The following CHD9 variants were observed in gnomAD, a reference collection of about 807,000 sequenced individuals.
CHD9 encodes ATP-dependent chromatin remodeler CHD9.
Under a neutral mutation model 316.1 loss-of-function variants are expected in CHD9, and 77 were observed. That is an observed-to-expected ratio of 0.24 (90% CI 0.20 to 0.29). The LOEUF (loss-of-function observed/expected upper bound fraction) is 0.29. CHD9 is among the 10% of genes least tolerant of loss of function. The pLI is 1.00. For missense variants in CHD9, 2,763 were observed against 3,438.1 expected, an observed-to-expected ratio of 0.80 and a Z score of 4.91; for synonymous variants, 1,129 against 1,158.3, an observed-to-expected ratio of 0.97 and a Z score of 0.51.
At chr16:53,250,213 A>G in intron 17 of CHD9, 147 bp downstream of exon 17, 2 of 620,462 alleles carry the variant, frequency 3.2e-6, no homozygotes, top group East Asian at 5.9e-5. Context: ...AAATAGGTGA[A>G]GTTATTTTAA....
rs750755425 is a variant in CHD9 at position 53,255,569 on chromosome 16, A to C, written c.4030-31A>C. ...TCTCACTTTATGAACTTTAAAAAAA[A>C]CTATTTTTATGGAAGTTAATTTCTC... is the stretch of plus-strand genomic sequence containing the variant. On this transcript the variant is annotated intron_variant, in intron 18 of 38. Transcript: ENST00000447540. The C allele has an allele frequency of 1.9e-6, 3 of 1,588,044 alleles. No homozygotes were observed. The South Asian group carries it at 3.4e-5, about 18-fold the overall frequency.
rs765242737 is a variant in CHD9 at position 53,306,277 on chromosome 16, C to T, written c.6660C>T (p.Val2220=). ...THMKAYDEES[V]ASLSTTQDET... ...TGAAAGCCTATGATGAAGAAAGCGT[C>T]GCGTCACTGAGCACTACCCAGGATG... Residue 2220 remains valine (V), a synonymous_variant, in exon 32 of 39, where the codon GTC becomes GTT. Coordinates refer to ENST00000447540, the MANE Select transcript of CHD9 (RefSeq NM_001308319.2). The T allele has an allele frequency of 9.4e-6, 15 of 1,593,950 alleles. No homozygotes were observed. Among genetic ancestry groups the T allele is most frequent in the African/African-American group, 6.8e-5 (5 of 73,614 alleles).
chr16:53,146,419 G>GTGTATATATATATATA (rs1555492145), intron 1 of CHD9, among the ~76,000 whole-genome samples: 6 of 76,700 alleles, frequency 7.8e-5, no homozygotes, highest in African/African-American at 3.0e-4. Flanking sequence ...GTGTGTGTAT[G>GTGTATATATATATATA]TATATATATA....
chr16:53,135,960 G>T (rs2039682033), intron 1 of CHD9, among the ~76,000 whole-genome samples: 1 of 152,120 alleles, frequency 6.6e-6, no homozygotes, highest in Admixed American at 6.5e-5. Context: ...TGATGGTGCA[G>T]AATACAAAAG....
chr16:53,308,112 A>G (rs1420374199), intron 33 of CHD9, among the ~76,000 whole-genome samples, 159 bp downstream of exon 33: 1 of 152,204 alleles, frequency 6.6e-6, no homozygotes, highest in African/African-American at 2.4e-5. Flanking sequence ...TTAAACTTGA[A>G]TATTCTACTA....
intron 3 of CHD9, among the ~76,000 whole-genome samples, chr16:53,217,746 A>C (rs2046879575): frequency 6.6e-6 from 1 of 151,982 alleles, no homozygotes. Context: ...CTCTCTCTCT[A>C]GATAGATAGA....
chr16:53,178,494 G>T (rs1227589002), intron 2 of CHD9, among the ~76,000 whole-genome samples: 2 of 144,742 alleles, frequency 1.4e-5, no homozygotes, highest in African/African-American at 5.1e-5. Flanking sequence ...GTGTAGTGGC[G>T]CAAACATGGC....
intron 37 of CHD9, among the ~76,000 whole-genome samples, chr16:53,320,125 A>G (rs1196044856): frequency 2.0e-5 from 3 of 151,074 alleles, no homozygotes; most frequent in African/African-American, 4.9e-5. Flanking sequence ...GCAGTGAACT[A>G]TGATCACATC....
At chr16:53,247,681 A>G (rs2049752379) in intron 16 of CHD9, 178 bp downstream of exon 16, 1 of 568,556 alleles carries the variant, frequency 1.8e-6, no homozygotes, top group Non-Finnish European at 3.1e-6. Flanking sequence ...TAACCTGCAT[A>G]TGTTGCAATA....
At chr16:53,099,684 C>T (rs2152566565) in intron 1 of CHD9, among the ~76,000 whole-genome samples, 1 of 152,344 alleles carries the variant, frequency 6.6e-6, no homozygotes, top group Admixed American at 6.5e-5. Context: ...CCACCCCTTC[C>T]CTTCCCGCTG....
intron 19 of CHD9, among the ~76,000 whole-genome samples, chr16:53,259,503 G>A (rs1406292851): frequency 6.6e-6 from 1 of 151,632 alleles, no homozygotes; most frequent in Non-Finnish European, 1.5e-5. Context: ...TTTGCTTTTT[G>A]TTGTTGGGTT....
At chr16:53,289,236 T>G (rs960528100) in intron 27 of CHD9, among the ~76,000 whole-genome samples, 2 of 151,916 alleles carry the variant, frequency 1.3e-5, no homozygotes, top group African/African-American at 4.8e-5. Context: ...TAGAAAGATG[T>G]GAAAAAGATG....
intron 26 of CHD9, 64 bp downstream of exon 26, chr16:53,286,407 CTA>C: frequency 1.2e-6 from 1 of 812,372 alleles, no homozygotes; most frequent in Non-Finnish European, 2.1e-6. Flanking sequence ...TCAGCATATT[CTA>C]TGTCACACTA....
chr16:53,209,448 G>T (rs1389872008), intron 2 of CHD9, 34 bp from the exon 3 acceptor site: 1 of 1,367,116 alleles, frequency 7.3e-7, no homozygotes, highest in Non-Finnish European at 1.0e-6. Flanking sequence ...ATGTACTTTG[G>T]TATATTCTAT....
At position 53,063,354 on chromosome 16, in the gene CHD9, A is replaced by T. The variant is rs184373112; in HGVS notation, c.-165+8277A>T. Among the ~76,000 whole-genome samples the T allele has an allele frequency of 1.4e-3, 191 of 131,762 alleles. 1 individual carries two copies. The highest frequency in any genetic ancestry group is 2.1e-3 in the Admixed American group (27 of 12,934). 86.4% of individuals were successfully genotyped at this position (131,762 alleles called of 152,430 possible). ...TTGCAGAATTATGCTGCTTCTCATAAATTTCACACACACACACACACACAC... is the reference window on the plus strand; with the variant it reads ...TTGCAGAATTATGCTGCTTCTCATATATTTCACACACACACACACACACAC... On this transcript the variant is annotated intron_variant, in intron 1 of 38. Coordinates refer to ENST00000447540, the MANE Select transcript of CHD9 (RefSeq NM_001308319.2).
At chr16:53,121,086 A>G (rs762748426) in intron 1 of CHD9, among the ~76,000 whole-genome samples, 8 of 152,228 alleles carry the variant, frequency 5.3e-5, no homozygotes, top group Non-Finnish European at 8.8e-5. Flanking sequence ...AAGTGTTACC[A>G]AATTAATAAA....
chr16:53,111,995 A>T (rs1427212755), intron 1 of CHD9, among the ~76,000 whole-genome samples: 1 of 152,238 alleles, frequency 6.6e-6, no homozygotes, highest in Non-Finnish European at 1.5e-5. Flanking sequence ...AAGGAAACTA[A>T]GTCTAGGTGA....
intron 1 of CHD9, among the ~76,000 whole-genome samples, chr16:53,079,394 G>A (rs1463944533): frequency 1.3e-5 from 2 of 152,164 alleles, no homozygotes; most frequent in African/African-American, 2.4e-5. Context: ...AACAGATGAC[G>A]TTCTAATCTG....
At chr16:53,288,106 A>C in intron 27 of CHD9, 92 bp downstream of exon 27, 1 of 911,494 alleles carries the variant, frequency 1.1e-6, no homozygotes, top group East Asian at 2.5e-5. Flanking sequence ...TTTTGTTTTC[A>C]TTATACATAA....
Sources: allele counts gnomAD v4.1 joint callset (sites outside exome capture counted in the v4.1 genomes callset), GRCh38; gene constraint gnomAD v4.1.1; transcripts MANE v1.5; gene names NCBI Gene and HGNC (gene_info 2026-07-23, HGNC 2026-07-21).